Variants in RSL24D1 observed in about 807,000 individuals in gnomAD.
RSL24D1 encodes ribosomal L24 domain containing 1, also known as probable ribosome biogenesis protein RLP24.
In RSL24D1, 6 loss-of-function variants were observed where a neutral mutation model predicts 26.2. The ratio of observed to expected loss-of-function variants is 0.23; its 90% confidence interval spans 0.13 to 0.45. The LOEUF is 0.45. Among genes scored for constraint, RSL24D1 ranks in the 20% least tolerant of loss-of-function variants. The probability of loss-of-function intolerance (pLI) is 0.99; values close to 1 mark genes in which losing one functional copy is unlikely to be tolerated. For missense variants in RSL24D1, 176 were observed against 202.6 expected, an observed-to-expected ratio of 0.87 and a Z score of 0.80; for synonymous variants, 61 against 59.1, an observed-to-expected ratio of 1.03 and a Z score of -0.15.
At chr15:55,190,454 G>C (rs148794946) in intron 3 of RSL24D1, among the ~76,000 whole-genome samples, 157 of 151,838 alleles carry the variant, frequency 1.0e-3, no homozygotes, top group Middle Eastern at 6.8e-3. Flanking sequence ...TTTAATTTCA[G>C]AAGATTATAA....
chr15:55,183,549 CCTTT>C, intron 4 of RSL24D1, 149 bp from the exon 5 acceptor site: 1 of 617,670 alleles, frequency 1.6e-6, no homozygotes, highest in Non-Finnish European at 2.9e-6. Context: ...TGTTCACTCC[CCTTT>C]CTTCTCCCCA....
Position 55,184,238 on chromosome 15 carries a change from A to G in RSL24D1, c.333-838T>C, listed in dbSNP as rs140823624. Among the ~76,000 whole-genome samples the G allele has an allele frequency of 1.7e-3, 252 of 152,260 alleles. 2 individuals carry two copies. Among genetic ancestry groups the G allele is most frequent in the Admixed American group, 3.3e-3 (50 of 15,298 alleles). On this transcript the variant is annotated intron_variant, in intron 4 of 5. Transcript: ENST00000260443. Reference sequence around the variant, plus strand: ...GAAGAGGAAACATCTTGTTAGCTATAAAACATGAATGCACTCAAAGAATGA... The same window carrying G: ...GAAGAGGAAACATCTTGTTAGCTATGAAACATGAATGCACTCAAAGAATGA...
intron 5 of RSL24D1, 26 bp downstream of exon 5, chr15:55,183,289 A>C: frequency 6.3e-7 from 1 of 1,585,042 alleles, no homozygotes; most frequent in Non-Finnish European, 8.6e-7. Flanking sequence ...GACCACAAAA[A>C]TCTAGATGTG....
chr15:55,182,140 T>G lies in RSL24D1; in HGVS notation c.*12A>C. On this transcript the variant is annotated 3_prime_UTR_variant, in exon 6 of 6. Transcript: ENST00000260443. ...TTTCAAATGTACATAAAAGAAATGG[T>G]TACAGAGATTTTTAAGGAGCATCTT... is the stretch of plus-strand genomic sequence containing the variant. 2 of 1,546,640 alleles carry G rather than the reference T, an allele frequency of 1.3e-6. No individual in the cohort carries two copies. Among genetic ancestry groups the G allele is most frequent in the South Asian group, 2.2e-5 (2 of 88,904 alleles).
rs921255740 is a variant in RSL24D1, at chr15:55,181,527, T to C, written c.*625A>G. The stretch of plus-strand genomic sequence containing the variant: ...AGTTGGAACTGAGTATTCTCCAAAG[T>C]GGAAATTCTAGAGTGTAGTGTCACT... On this transcript the variant is annotated 3_prime_UTR_variant, in exon 6 of 6. Transcript: ENST00000260443. 6.6e-6 allele frequency: 1 copy of C among 152,514 alleles called. No individual in the cohort carries two copies. The highest frequency in any genetic ancestry group is 1.5e-5 in the Non-Finnish European group (1 of 68,044). The allele number at this position is 152,514 out of a possible 1,614,324, so 9.4% of individuals were successfully genotyped here. A position where few individuals can be genotyped will look rare whatever the true frequency, so the allele number is the denominator to read the frequency against.
chr15:55,196,386 G>A, intron 1 of RSL24D1: 1 of 461,550 alleles, frequency 2.2e-6, no homozygotes, highest in South Asian at 1.5e-5. Context: ...CTACCATTAA[G>A]CAATACGGAA....
At chr15:55,194,917 G>C (rs1016756270) in intron 1 of RSL24D1, among the ~76,000 whole-genome samples, 8 of 150,374 alleles carry the variant, frequency 5.3e-5, no homozygotes, top group Non-Finnish European at 1.0e-4. Context: ...CAGCTACTCA[G>C]CATGCTGAGG....
chr15:55,183,875 T>C (rs533916486), intron 4 of RSL24D1, among the ~76,000 whole-genome samples: 22 of 152,278 alleles, frequency 1.4e-4, no homozygotes, highest in African/African-American at 3.6e-4. Flanking sequence ...CAATACATAT[T>C]TGCTAAGTAA....
intron 2 of RSL24D1, among the ~76,000 whole-genome samples, chr15:55,191,317 A>C (rs757263876): frequency 9.9e-5 from 15 of 152,208 alleles, no homozygotes; most frequent in Non-Finnish European, 1.9e-4. Flanking sequence ...AACAATTATC[A>C]GGATTACAAA....
chr15:55,190,747 C>T (rs72740193), intron 3 of RSL24D1, among the ~76,000 whole-genome samples: 11 of 151,356 alleles, frequency 7.3e-5, no homozygotes, highest in Non-Finnish European at 1.0e-4. Context: ...CAAGTAGTAT[C>T]AAAGTTAATA....
intron 3 of RSL24D1, among the ~76,000 whole-genome samples, chr15:55,186,159 A>G (rs2140591455): frequency 6.6e-6 from 1 of 152,300 alleles, no homozygotes; most frequent in South Asian, 2.1e-4. Flanking sequence ...CCTTGTTTTC[A>G]TATTAAGTCT....
At chr15:55,194,473 G>C (rs1235494883) in intron 1 of RSL24D1, 1 of 152,106 alleles carries the variant, frequency 6.6e-6, no homozygotes. Context: ...TTATGTGTCA[G>C]GCAAAGCTTT....
intron 1 of RSL24D1, among the ~76,000 whole-genome samples, chr15:55,194,677 C>T (rs1894335129): frequency 6.6e-6 from 1 of 152,008 alleles, no homozygotes; most frequent in African/African-American, 2.4e-5. Flanking sequence ...ATTAATTCTA[C>T]CCTTAACCCA....
rs1456286162 is a variant in RSL24D1 at position 55,181,317 on chromosome 15, C to T, written c.*835G>A. On this transcript the variant is annotated 3_prime_UTR_variant, in exon 6 of 6. Transcript: ENST00000260443. ...CTTTAAAGAATAAATATCAGCATTA[C>T]TTTTTAAATGGTTTTATTTTATGTA... is the stretch of plus-strand genomic sequence containing the variant. The T allele has an allele frequency of 6.6e-6, 1 of 152,508 alleles. No individual in the cohort carries two copies. The highest frequency in any genetic ancestry group is 2.4e-5 in the African/African-American group (1 of 41,416). 9.4% of individuals were successfully genotyped at this position (152,508 alleles called of 1,614,324 possible). A position where few individuals can be genotyped will look rare whatever the true frequency, so the allele number is the denominator to read the frequency against.
In RSL24D1 at chr15:55,186,249, T is replaced by A. The variant is rs534128291; in HGVS notation, c.269-824A>T. ...AGTAGCTCAGACACTTCTGATCTAG[T>A]CTAGCTCTTTAAAGTGTAGTCTGTA... On this transcript the variant is annotated intron_variant, in intron 3 of 5. Coordinates refer to ENST00000260443, the MANE Select transcript of RSL24D1 (RefSeq NM_016304.3). 1.3e-4 allele frequency among the ~76,000 whole-genome samples: 20 copies of A among 152,306 alleles called. 1 individual carries two copies. Among genetic ancestry groups the A allele is most frequent in the Admixed American group, 7.8e-4 (12 of 15,292 alleles).
At chr15:55,185,811 T>TA (rs1228398158) in intron 3 of RSL24D1, among the ~76,000 whole-genome samples, 3 of 152,146 alleles carry the variant, frequency 2.0e-5, no homozygotes, top group African/African-American at 7.2e-5. Context: ...TATGAACACT[T>TA]AAAAGTGCCT....
intron 1 of RSL24D1, chr15:55,194,173 T>C (rs181364630): frequency 6.6e-6 from 1 of 152,252 alleles, no homozygotes; most frequent in Admixed American, 6.5e-5. Context: ...CAATGAAGGA[T>C]CTACAGAGAC....
intron 1 of RSL24D1, chr15:55,196,330 G>A (rs1293461490): frequency 2.2e-6 from 1 of 456,674 alleles, no homozygotes; most frequent in Admixed American, 2.3e-5. Flanking sequence ...GAGTCTTTCC[G>A]TACAGGACCC....
chr15:55,190,249 C>CAAAA (rs57254193), intron 3 of RSL24D1, among the ~76,000 whole-genome samples: 768 of 34,476 alleles, frequency 0.022, 50 homozygotes, highest in African/African-American at 0.038. Flanking sequence ...CTTTCCAACT[C>CAAAA]AAAAAAAAAA....
Sources: gnomAD v4.1 joint callset for allele counts (sites outside exome capture counted in the v4.1 genomes callset) on GRCh38, gnomAD v4.1.1 for gene constraint, MANE v1.5 for transcripts, NCBI Gene and HGNC (gene_info 2026-07-23, HGNC 2026-07-21) for gene names.